The following TXNDC8 variants were observed in gnomAD, a reference collection of about 807,000 sequenced individuals.
The protein encoded by TXNDC8 is thioredoxin domain-containing protein 8.
TXNDC8 carries 15 observed loss-of-function variants against 12.9 expected under a neutral mutation model. That is an observed-to-expected ratio of 1.16 (90% CI 0.78 to 1.79). The LOEUF (loss-of-function observed/expected upper bound fraction) is 1.79. TXNDC8 is among the 40% of genes most tolerant of loss of function. The pLI is 0.00. For synonymous variants in TXNDC8, 40 were observed against 35.4 expected (o/e 1.13, Z -0.46); for missense variants, 128 against 113.2 (o/e 1.13, Z -0.59).
intron 3 of TXNDC8, among the ~76,000 whole-genome samples, chr9:110,324,928 A>T (rs1327542): frequency 0.39 from 59,409 of 152,054 alleles, 11,975 homozygotes; most frequent in Middle Eastern, 0.47. Context: ...TCTGGCCAAC[A>T]TGGTGAAACC....
chr9:110,313,989 G>T (rs1400658326), intron 3 of TXNDC8, among the ~76,000 whole-genome samples: 1 of 152,144 alleles, frequency 6.6e-6, no homozygotes, highest in Non-Finnish European at 1.5e-5. Context: ...AGAAAAGGGG[G>T]TAAATGTGAA....
intron 3 of TXNDC8, among the ~76,000 whole-genome samples, chr9:110,309,526 G>C (rs1347543273): frequency 6.6e-6 from 1 of 152,110 alleles, no homozygotes; most frequent in African/African-American, 2.4e-5. Flanking sequence ...AGTAGAGACA[G>C]GGTTTCACCA....
At chr9:110,329,566 T>A (rs1839473327) in intron 2 of TXNDC8, among the ~76,000 whole-genome samples, 1 of 152,168 alleles carries the variant, frequency 6.6e-6, no homozygotes, top group Non-Finnish European at 1.5e-5. Flanking sequence ...CATAACAGAA[T>A]GTGCGTGGTG....
chr9:110,333,898 A>G (rs1171791251), intron 2 of TXNDC8, among the ~76,000 whole-genome samples: 1 of 152,204 alleles, frequency 6.6e-6, no homozygotes, highest in Non-Finnish European at 1.5e-5. Flanking sequence ...AGTGTTTGAA[A>G]GTTCTGAACT....
intron 3 of TXNDC8, among the ~76,000 whole-genome samples, chr9:110,311,583 A>T (rs1838677023): frequency 8.9e-6 from 1 of 112,572 alleles, no homozygotes; most frequent in African/African-American, 3.1e-5. Context: ...TATATGGATT[A>T]CTATATTACT....
At chr9:110,335,332 A>C (rs1839705631) in intron 1 of TXNDC8, among the ~76,000 whole-genome samples, 1 of 151,780 alleles carries the variant, frequency 6.6e-6, no homozygotes, top group Non-Finnish European at 1.5e-5. Flanking sequence ...TGCCTCCCGG[A>C]CTCAAGCCAT....
At position 110,335,290 on chromosome 9, in the gene TXNDC8, G is replaced by A. The variant is rs1366431015; in HGVS notation, c.25-970C>T. ...TCTGGCTGTTCATCCAGGCTGGGGT[G>A]TAGCGGTGCGATCTCAGCTCACTGC... On this transcript the variant is annotated intron_variant, in intron 1 of 4. Transcript: ENST00000423740. Among the ~76,000 whole-genome samples the A allele has an allele frequency of 2.0e-5, 3 of 152,096 alleles. No homozygotes were observed. The South Asian group carries it at 6.2e-4, about 32-fold the overall frequency.
At chr9:110,302,838 A>G (rs952534132), downstream of TXNDC8, among the ~76,000 whole-genome samples, 9 of 152,218 alleles carry the variant, frequency 5.9e-5, no homozygotes, top group African/African-American at 1.9e-4. Context: ...CCGAGGCAGG[A>G]GGATCACTTG....
chr9:110,310,788 T>C (rs1043745861), intron 3 of TXNDC8, among the ~76,000 whole-genome samples: 2 of 152,226 alleles, frequency 1.3e-5, no homozygotes, highest in African/African-American at 4.8e-5. Flanking sequence ...ATCAAGCAAT[T>C]TCATACTTAT....
chr9:110,311,505 T>A (rs1838659804), intron 3 of TXNDC8, among the ~76,000 whole-genome samples: 2 of 62,304 alleles, frequency 3.2e-5, no homozygotes, highest in Admixed American at 1.9e-4. Context: ...GTAAAGAAAG[T>A]TACAAAAATA....
At chr9:110,317,542 A>G (rs1442963839) in intron 3 of TXNDC8, among the ~76,000 whole-genome samples, 1 of 152,234 alleles carries the variant, frequency 6.6e-6, no homozygotes, top group East Asian at 1.9e-4. Flanking sequence ...CTGGAAGGCC[A>G]TCATACTATA....
downstream of TXNDC8, among the ~76,000 whole-genome samples, chr9:110,302,637 T>G (rs988878687): frequency 5.9e-5 from 9 of 151,906 alleles, no homozygotes; most frequent in African/African-American, 1.9e-4. Flanking sequence ...TAGCTCAGTT[T>G]TTTTTTTTTT....
chr9:110,322,982 T>G, intron 3 of TXNDC8: 1 of 985,430 alleles, frequency 1.0e-6, no homozygotes, highest in Non-Finnish European at 1.2e-6. Flanking sequence ...GAGAAAGGCT[T>G]GGAGCAGTAG....
intron 3 of TXNDC8, among the ~76,000 whole-genome samples, chr9:110,316,148 C>G (rs1246460639): frequency 6.7e-6 from 1 of 149,046 alleles, no homozygotes; most frequent in African/African-American, 2.5e-5. Context: ...CACCTGGCCT[C>G]AAAGTGATCT....
chr9:110,305,937 G>C (rs773559463), intron 3 of TXNDC8, among the ~76,000 whole-genome samples: 1 of 150,126 alleles, frequency 6.7e-6, no homozygotes, highest in Non-Finnish European at 1.5e-5. Flanking sequence ...CAGCTCACTG[G>C]AACCTCAGCT....
At chr9:110,326,153 G>A in intron 3 of TXNDC8, 22 bp downstream of exon 4, 1 of 1,613,636 alleles carries the variant, frequency 6.2e-7, no homozygotes, top group Non-Finnish European at 8.5e-7. Context: ...ATTCAACCCT[G>A]CTGGTTACCC....
intron 2 of TXNDC8, among the ~76,000 whole-genome samples, chr9:110,331,164 G>A (rs1206320517): frequency 1.3e-5 from 2 of 152,206 alleles, no homozygotes; most frequent in Admixed American, 1.3e-4. Context: ...GTGTAAATGA[G>A]ACAGAAGCTA....
intron 3 of TXNDC8, among the ~76,000 whole-genome samples, chr9:110,306,838 A>C (rs1467355114): frequency 6.6e-6 from 1 of 152,124 alleles, no homozygotes; most frequent in Non-Finnish European, 1.5e-5. Flanking sequence ...TTTCTCTGTG[A>C]TCCCATAGTA....
At chr9:110,322,678 T>G (rs1256815244) in intron 3 of TXNDC8, 10 of 985,260 alleles carry the variant, frequency 1.0e-5, no homozygotes, top group Middle Eastern at 5.2e-4. Flanking sequence ...CCAAACAATA[T>G]CAGCAGCAGC....
Sources: gnomAD v4.1 joint callset for allele counts (sites outside exome capture counted in the v4.1 genomes callset) on GRCh38, gnomAD v4.1.1 for gene constraint, MANE v1.5 for transcripts, NCBI Gene and HGNC (gene_info 2026-07-23, HGNC 2026-07-21) for gene names.